Variants in KDM5A observed in about 807,000 individuals in gnomAD.
KDM5A encodes lysine demethylase 5A.
KDM5A carries 42 observed loss-of-function variants against 193.5 expected under a neutral mutation model. The ratio of observed to expected loss-of-function variants is 0.22; its 90% CI spans 0.17 to 0.28. The LOEUF (loss-of-function observed/expected upper bound fraction) is 0.28. Among genes scored for constraint, KDM5A ranks in the 10% least tolerant of loss-of-function variants. KDM5A has a pLI of 1.00. For missense variants in KDM5A, 1,692 were observed against 2,055.1 expected (o/e 0.82, Z 3.42); for synonymous variants, 796 against 718.1 (o/e 1.11, Z -1.73).
intron 11 of KDM5A, among the ~76,000 whole-genome samples, chr12:333,887 C>T (rs921264243): frequency 1.1e-4 from 16 of 152,156 alleles, no homozygotes; most frequent in African/African-American, 3.9e-4. Context: ...CAACTCAGCA[C>T]ATGAACTCTG....
intron 24 of KDM5A, among the ~76,000 whole-genome samples, chr12:303,644 A>G (rs1213975675): frequency 2.7e-5 from 4 of 150,256 alleles, no homozygotes; most frequent in Non-Finnish European, 6.0e-5. Flanking sequence ...CCCAGAACTT[A>G]AAGTATAATA....
intron 5 of KDM5A, among the ~76,000 whole-genome samples, chr12:362,701 T>A (rs892495811): frequency 6.6e-6 from 1 of 152,114 alleles, no homozygotes; most frequent in Non-Finnish European, 1.5e-5. Context: ...CAAAGGTAAA[T>A]GAAAAATATG....
In KDM5A at chr12:284,444, A is replaced by G. The variant is rs1438752207; in HGVS notation, c.*1012T>C. 1 of 232,510 alleles carries G rather than the reference A, an allele frequency of 4.3e-6. No homozygotes were observed. Among genetic ancestry groups the G allele is most frequent in the Non-Finnish European group, 8.5e-6 (1 of 117,422 alleles). 14.4% of individuals were successfully genotyped at this position (232,510 alleles called of 1,614,324 possible). On this transcript the variant is annotated 3_prime_UTR_variant, in exon 28 of 28. Coordinates refer to ENST00000399788, the MANE Select transcript of KDM5A (RefSeq NM_001042603.3). ...AGCATCTGCTGTGGGCCGTAGTTAG[A>G]AATCACCAGTGTTGGAAACAGCAGA...
chr12:336,446 C>G (rs969557621), intron 10 of KDM5A, among the ~76,000 whole-genome samples: 25 of 151,264 alleles, frequency 1.7e-4, no homozygotes, highest in Non-Finnish European at 2.8e-4. Flanking sequence ...AATGACAGAT[C>G]TATTCCTAAA....
At chr12:306,502 GGAGGCC>G (rs1250121925) in intron 24 of KDM5A, among the ~76,000 whole-genome samples, 1 of 152,022 alleles carries the variant, frequency 6.6e-6, no homozygotes, top group African/African-American at 2.4e-5. Flanking sequence ...CAGCACTTTG[GGAGGCC>G]GAGGCAGGCA....
intron 10 of KDM5A, among the ~76,000 whole-genome samples, chr12:340,694 CAAA>C (rs375465074): frequency 2.9e-3 from 150 of 51,092 alleles, no homozygotes; most frequent in Middle Eastern, 0.015. Flanking sequence ...GACTCCATCA[CAAA>C]AAAAAAAAAA....
chr12:319,667 T>C (rs1484500779), intron 18 of KDM5A, among the ~76,000 whole-genome samples: 1 of 151,984 alleles, frequency 6.6e-6, no homozygotes. Context: ...GGTGGGAGGA[T>C]TGCTTGAGAC....
chr12:385,818 T>A, intron 2 of KDM5A, 79 bp downstream of exon 2: 2 of 1,027,454 alleles, frequency 1.9e-6, no homozygotes. Context: ...CTGTGGTACA[T>A]GAGCTTCTCA....
intron 24 of KDM5A, among the ~76,000 whole-genome samples, chr12:306,558 C>T (rs1294041800): frequency 6.6e-6 from 1 of 152,052 alleles, no homozygotes; most frequent in East Asian, 1.9e-4. Context: ...GCCTGGCCAA[C>T]ATGACGAAAC....
At chr12:294,316 G>GTTC (rs1943342202) in intron 26 of KDM5A, among the ~76,000 whole-genome samples, 2 of 152,146 alleles carry the variant, frequency 1.3e-5, no homozygotes, top group African/African-American at 4.8e-5. Context: ...ATAAGAGAAA[G>GTTC]AAATACTGAA....
At chr12:318,819 G>A (rs905848905) in intron 18 of KDM5A, among the ~76,000 whole-genome samples, 17 of 152,160 alleles carry the variant, frequency 1.1e-4, no homozygotes, top group African/African-American at 4.1e-4. Context: ...GGAATAAAAT[G>A]TTTCAGTTAG....
chr12:284,367 C>T lies in KDM5A; in HGVS notation c.*1089G>A, dbSNP rs1030400583. 2.2e-5 allele frequency: 5 copies of T among 231,984 alleles called. No individual in the cohort carries two copies. The highest frequency in any genetic ancestry group is 3.4e-5 in the Non-Finnish European group (4 of 117,324). The allele number at this position is 231,984 out of a possible 1,614,324, so 14.4% of individuals were successfully genotyped here. A position where few individuals can be genotyped will look rare whatever the true frequency, so the allele number is the denominator to read the frequency against. On this transcript the variant is annotated 3_prime_UTR_variant, in exon 28 of 28. Transcript: ENST00000399788. The stretch of plus-strand genomic sequence containing the variant: ...GGATTTACTAAAACAACTTCATCAC[C>T]CAGAGGTACTACAACCCCACATCCT...
Position 297,855 on chromosome 12 carries a change from T to C in KDM5A, c.4075-655A>G, listed in dbSNP as rs188453640. Among the ~76,000 whole-genome samples, 23 of 152,324 alleles carry C rather than the reference T, an allele frequency of 1.5e-4. 1 individual carries two copies. Among genetic ancestry groups the C allele is most frequent in the African/African-American group, 4.6e-4 (19 of 41,568 alleles). Reference sequence around the variant, plus strand: ...TTCCCAGTCAGTCTGCATCTCCTTATTGGACTGAGAGAAAAAGCAGCCAGA... The same window carrying C: ...TTCCCAGTCAGTCTGCATCTCCTTACTGGACTGAGAGAAAAAGCAGCCAGA... On this transcript the variant is annotated intron_variant, in intron 24 of 27. Transcript: ENST00000399788.
chr12:301,734 A>T (rs1238372914), intron 24 of KDM5A, among the ~76,000 whole-genome samples: 1 of 152,236 alleles, frequency 6.6e-6, no homozygotes, highest in Non-Finnish European at 1.5e-5. Context: ...AGAGGAAGTC[A>T]AACTGTCCCT....
In KDM5A at chr12:385,918, G is replaced by T; in HGVS notation, c.222C>A (p.Val74=). 6.2e-7 allele frequency: 1 copy of T among 1,613,652 alleles called. No homozygotes were observed. The highest frequency in any genetic ancestry group is 1.1e-5 in the South Asian group (1 of 91,068). Residue 74 remains valine (V), a synonymous_variant, in exon 2 of 28, where the codon GTC becomes GTA. Transcript: ENST00000399788. ...EVKSFRFTPR[V]QRLNELEAMT... ...TTACCTCAAGTTCATTCAGGCGCTG[G>T]ACTCTTGGAGTGAAACGAAAGCTTT...
At chr12:375,098 AT>A (rs1944485399) in intron 3 of KDM5A, among the ~76,000 whole-genome samples, 1 of 151,952 alleles carries the variant, frequency 6.6e-6, no homozygotes, top group East Asian at 1.9e-4. Context: ...CGTTCTCTGT[AT>A]TTCCTGAATT....
At chr12:315,891 G>T (rs1179167468) in intron 19 of KDM5A, among the ~76,000 whole-genome samples, 2 of 152,178 alleles carry the variant, frequency 1.3e-5, no homozygotes, top group Non-Finnish European at 2.9e-5. Flanking sequence ...ACAGGCGGAT[G>T]ATATTTATGA....
chr12:350,647 G>A lies in KDM5A; in HGVS notation c.1282C>T (p.Arg428Trp), dbSNP rs779410726. ...FGSGFPVKDG[R>W]RKILPEEEEY... is the part of the protein sequence containing the mutation. ...TCTTCTTCTGGCAGAATCTTTCTCC[G>A]CCCATCCTTCACCGGAAATCCACTT... The change falls in exon 10 of 28, where the codon CGG (arginine) becomes TGG (tryptophan). Residue 428 changes from arginine (R) to tryptophan (W), a missense_variant. Physicochemically the swap from Arg to Trp is moderately radical, Grantham distance 101. This residue lies in a region of KDM5A where 172 missense variants were observed against 260.3 expected (regional missense o/e 0.66). Transcript: ENST00000399788. 1.1e-5 allele frequency: 17 copies of A among 1,613,750 alleles called. No homozygotes were observed. Among genetic ancestry groups the A allele is most frequent in the Admixed American group, 8.3e-5 (5 of 59,964 alleles).
intron 5 of KDM5A, among the ~76,000 whole-genome samples, chr12:358,204 C>T (rs945975376): frequency 6.6e-6 from 1 of 152,042 alleles, no homozygotes; most frequent in Non-Finnish European, 1.5e-5. Flanking sequence ...TGAATATAGA[C>T]TAATAGCCAA....
Sources: allele counts gnomAD v4.1 joint callset (sites outside exome capture counted in the v4.1 genomes callset), GRCh38; gene constraint gnomAD v4.1.1; regional missense constraint gnomAD v4.1.1; transcripts MANE v1.5; gene names NCBI Gene and HGNC (gene_info 2026-07-23, HGNC 2026-07-21).